The following RYR2 variants were observed in gnomAD, a reference collection of about 807,000 sequenced individuals.
RYR2 encodes the protein ryanodine receptor 2.
In RYR2, 227 loss-of-function variants were observed where a neutral mutation model predicts 601.1. The ratio of observed to expected loss-of-function variants is 0.38; its 90% confidence interval spans 0.34 to 0.42. The LOEUF (loss-of-function observed/expected upper bound fraction) is 0.42. Among genes scored for constraint, RYR2 ranks in the 10% least tolerant of loss-of-function variants. RYR2 has a pLI of 1.00. For synonymous variants in RYR2, 2,223 were observed against 2,175.1 expected, an observed-to-expected ratio of 1.02 and a Z score of -0.61; for missense variants, 4,646 against 6,156.5, an observed-to-expected ratio of 0.75 and a Z score of 8.21.
chr1:237,377,008 G>A (rs1701092027), intron 7 of RYR2, among the ~76,000 whole-genome samples: 2 of 152,204 alleles, frequency 1.3e-5, no homozygotes, highest in Admixed American at 1.3e-4. Context: ...TGACATGTGA[G>A]TGTGTAAAGA....
chr1:237,824,794 T>C (rs1028012374), intron 101 of RYR2, among the ~76,000 whole-genome samples: 1 of 152,052 alleles, frequency 6.6e-6, no homozygotes, highest in African/African-American at 2.4e-5. Context: ...AGCCCCAAAT[T>C]TCCTTATACT....
At chr1:237,500,948 C>T in intron 21 of RYR2, 45 bp downstream of exon 21, 6 of 1,540,422 alleles carry the variant, frequency 3.9e-6, no homozygotes, top group Non-Finnish European at 5.4e-6. Context: ...TCTCATTTCT[C>T]ATACCTCCAC....
intron 28 of RYR2, among the ~76,000 whole-genome samples, chr1:237,568,637 T>A (rs1189934592): frequency 6.6e-6 from 1 of 152,192 alleles, no homozygotes; most frequent in Non-Finnish European, 1.5e-5. Flanking sequence ...TTCCATTTTG[T>A]TAAAGTATCT....
At chr1:237,073,908 G>A (rs1323275397) in intron 1 of RYR2, among the ~76,000 whole-genome samples, 1 of 147,158 alleles carries the variant, frequency 6.8e-6, no homozygotes, top group Non-Finnish European at 1.5e-5. Context: ...TTGATTACAT[G>A]TTGAGATAAT....
At chr1:237,570,671 A>G (rs561043152) in intron 29 of RYR2, among the ~76,000 whole-genome samples, 6 of 152,256 alleles carry the variant, frequency 3.9e-5, no homozygotes, top group African/African-American at 7.2e-5. Flanking sequence ...TGAGTTTCTT[A>G]GTCACATTGG....
chr1:237,085,622 A>C (rs1489901926), intron 1 of RYR2, among the ~76,000 whole-genome samples: 6 of 152,210 alleles, frequency 3.9e-5, no homozygotes, highest in African/African-American at 1.4e-4. Flanking sequence ...TCCTAATATC[A>C]AGAACCAAGA....
chr1:237,588,951 T>C (rs756936398), intron 29 of RYR2, among the ~76,000 whole-genome samples: 13 of 152,158 alleles, frequency 8.5e-5, no homozygotes, highest in Non-Finnish European at 1.2e-4. Context: ...GCCAATCAAT[T>C]CCAAAGAGCT....
At chr1:237,511,407 G>A (rs1665887019) in intron 23 of RYR2, among the ~76,000 whole-genome samples, 1 of 151,888 alleles carries the variant, frequency 6.6e-6, no homozygotes, top group Admixed American at 6.6e-5. Context: ...GCTGCAAGGA[G>A]CTGACTGAGT....
intron 29 of RYR2, among the ~76,000 whole-genome samples, chr1:237,583,573 T>C (rs1674170686): frequency 1.3e-5 from 2 of 152,206 alleles, no homozygotes; most frequent in Admixed American, 1.3e-4. Context: ...CCTTTTCTTC[T>C]GATCAAAAAA....
intron 65 of RYR2, among the ~76,000 whole-genome samples, chr1:237,701,655 G>C (rs543416612): frequency 6.6e-6 from 1 of 152,210 alleles, no homozygotes; most frequent in South Asian, 2.1e-4. Context: ...TGCCCATTAA[G>C]TAATTTCTCG....
rs868588494 is a variant in RYR2, at chr1:237,812,898, T to G, written c.14433+3863T>G. 8.4e-3 allele frequency among the ~76,000 whole-genome samples: 1,136 copies of G among 134,578 alleles called. 10 individuals are homozygous for G. Among genetic ancestry groups the G allele is most frequent in the African/African-American group, 0.024 (692 of 28,940 alleles). The allele number at this position is 134,578 out of a possible 152,430, so 88.3% of individuals were successfully genotyped here. ...AAAGCAGAGAAAAATGTATAAGTTT[T>G]TTTTTTTTTTTTAACTTACAGCAAC... On this transcript the variant is annotated intron_variant, in intron 100 of 104. Coordinates refer to ENST00000366574, the MANE Select transcript of RYR2 (RefSeq NM_001035.3).
chr1:237,328,643 G>A (rs1392611373), intron 2 of RYR2, among the ~76,000 whole-genome samples: 1 of 151,902 alleles, frequency 6.6e-6, no homozygotes. Flanking sequence ...GGGAACCAGT[G>A]GGGTTTGTGT....
At chr1:237,504,567 A>T (rs543021237) in intron 22 of RYR2, among the ~76,000 whole-genome samples, 1 of 152,318 alleles carries the variant, frequency 6.6e-6, no homozygotes, top group South Asian at 2.1e-4. Context: ...GGGGATGCGA[A>T]GGCTTGGCTT....
At chr1:237,786,145 A>G in intron 91 of RYR2, 109 bp downstream of exon 91, 1 of 721,078 alleles carries the variant, frequency 1.4e-6, no homozygotes, top group Non-Finnish European at 2.3e-6. Context: ...ATTGTCAAGG[A>G]GCCACAGAAC....
chr1:237,326,931 G>A (rs1696227407), intron 2 of RYR2, among the ~76,000 whole-genome samples: 2 of 152,120 alleles, frequency 1.3e-5, no homozygotes, highest in African/African-American at 4.8e-5. Flanking sequence ...TGGGAAGTGG[G>A]AACAAAGGCC....
Position 237,530,487 on chromosome 1 carries a change from G to T in RYR2, c.2883G>T (p.Val961=). 6.2e-7 allele frequency: 1 copy of T among 1,605,464 alleles called. No homozygotes were observed. The highest frequency in any genetic ancestry group is 1.1e-5 in the South Asian group (1 of 89,074). Reference sequence around the variant, plus strand: ...CAGATGAACATGCTGAAGACAAGGTGAAAAAAATGAAGCTACCCAAGAAGT... The same window carrying T: ...CAGATGAACATGCTGAAGACAAGGTTAAAAAAATGAAGCTACCCAAGAAGT... ...GISDEHAEDK[V]KKMKLPKNYQ... is the part of the protein sequence containing the mutation. The change falls in exon 25 of 105, where the codon GTG becomes GTT. Residue 961 remains valine, a synonymous_variant. Transcript: ENST00000366574.
intron 2 of RYR2, among the ~76,000 whole-genome samples, chr1:237,284,963 T>C (rs1691382572): frequency 6.6e-6 from 1 of 152,120 alleles, no homozygotes; most frequent in Non-Finnish European, 1.5e-5. Context: ...TAAACGATCA[T>C]GTCATCCGCA....
intron 17 of RYR2, among the ~76,000 whole-genome samples, chr1:237,478,517 A>G (rs1376945076): frequency 1.3e-5 from 2 of 152,208 alleles, no homozygotes; most frequent in African/African-American, 2.4e-5. Flanking sequence ...TTGATTTATT[A>G]AAAGCAAGGT....
Position 237,705,266 on chromosome 1 carries a change from T to C in RYR2, c.9503T>C (p.Val3168Ala), listed in dbSNP as rs771061334. ...CLAAFAGAFPVAFLETHLDKH... is the reference protein window; with the variant it reads ...CLAAFAGAFPAAFLETHLDKH... ...GCTGCCTTTGCTGGTGCTTTTCCTG[T>C]AGCATTTTTGGAAACTCATCTGGAC... Residue 3168 changes from valine to alanine, a missense_variant, in exon 67 of 105, where the codon GTA (valine) becomes GCA (alanine). Around this residue, in one of 17 missense-constraint regions of RYR2, gnomAD observed 1,497 missense variants for 1,842.6 expected, o/e 0.81. Coordinates refer to ENST00000366574, the MANE Select transcript of RYR2 (RefSeq NM_001035.3). 2 of 1,606,690 alleles carry C rather than the reference T, an allele frequency of 1.2e-6. No homozygotes were observed. Among genetic ancestry groups the C allele is most frequent in the Non-Finnish European group, 1.7e-6 (2 of 1,175,728 alleles).
Sources: gnomAD v4.1 joint callset for allele counts (sites outside exome capture counted in the v4.1 genomes callset) on GRCh38, gnomAD v4.1.1 for gene constraint, gnomAD v4.1.1 regional missense constraint, MANE v1.5 for transcripts, NCBI Gene and HGNC (gene_info 2026-07-23, HGNC 2026-07-21) for gene names.